The following INPP4B variants were observed in gnomAD, a reference collection of about 807,000 sequenced individuals.
INPP4B encodes inositol polyphosphate-4-phosphatase type II B, also known as inositol polyphosphate 4-phosphatase type II.
INPP4B carries 55 observed loss-of-function variants against 122.5 expected under a neutral mutation model. The ratio of observed to expected loss-of-function variants is 0.45; its 90% CI spans 0.36 to 0.56. INPP4B has a LOEUF of 0.56. Among genes scored for constraint, INPP4B ranks in the 20% least tolerant of loss-of-function variants. INPP4B has a pLI of 0.00. For synonymous variants in INPP4B, 403 were observed against 388.7 expected (o/e 1.04, Z -0.43); for missense variants, 1,000 against 1,097.7 (o/e 0.91, Z 1.26).
At chr4:142,186,739 A>G (rs2627800) in intron 15 of INPP4B, among the ~76,000 whole-genome samples, 151,329 of 152,308 alleles carry the variant, frequency 0.99, 75,185 homozygotes, top group East Asian at 1. Flanking sequence ...TGAAAATAAA[A>G]AAGGAGGAAA....
chr4:142,371,334 CA>C (rs1432617051), intron 7 of INPP4B, among the ~76,000 whole-genome samples: 2 of 151,998 alleles, frequency 1.3e-5, no homozygotes, highest in Admixed American at 6.6e-5. Flanking sequence ...GAAGAAAACA[CA>C]GGGGAAACAC....
At chr4:142,317,534 G>T in intron 7 of INPP4B, 1 of 235,394 alleles carries the variant, frequency 4.2e-6, no homozygotes, top group South Asian at 7.3e-5. Context: ...TCCCTCCACT[G>T]AAAGTTGGCT....
chr4:142,499,302 T>A (rs1823050859), intron 2 of INPP4B, among the ~76,000 whole-genome samples: 1 of 152,092 alleles, frequency 6.6e-6, no homozygotes, highest in Admixed American at 6.5e-5. Flanking sequence ...AAAAAAAATA[T>A]GTAATTAAGG....
At chr4:142,415,703 CG>C (rs1261049404) in intron 5 of INPP4B, among the ~76,000 whole-genome samples, 1 of 152,026 alleles carries the variant, frequency 6.6e-6, no homozygotes, top group Non-Finnish European at 1.5e-5. Flanking sequence ...CACGTGCACA[CG>C]TATGTTTATT....
intron 25 of INPP4B, chr4:142,029,509 C>A (rs1278656440): frequency 5.1e-6 from 5 of 985,462 alleles, no homozygotes; most frequent in African/African-American, 1.7e-5. Context: ...CATCAAGACA[C>A]AAACAAGACC....
At chr4:142,262,672 CTAGTAGAATGCTTAGAACT>C (rs1740667863) in intron 10 of INPP4B, among the ~76,000 whole-genome samples, 1 of 152,042 alleles carries the variant, frequency 6.6e-6, no homozygotes, top group Non-Finnish European at 1.5e-5. Flanking sequence ...TCCCCAGAAC[CTAGTAGAATGCTTAGAACT>C]TAGTAGGTGA....
At chr4:142,605,223 T>G (rs571446194) in intron 2 of INPP4B, among the ~76,000 whole-genome samples, 1 of 152,114 alleles carries the variant, frequency 6.6e-6, no homozygotes, top group South Asian at 2.1e-4. Flanking sequence ...AAACTGAAAC[T>G]AAATCACTAT....
intron 16 of INPP4B, among the ~76,000 whole-genome samples, chr4:142,173,394 C>A (rs1826479893): frequency 6.6e-6 from 1 of 150,896 alleles, no homozygotes; most frequent in Admixed American, 6.6e-5. Flanking sequence ...AAGATATATA[C>A]CAACCAATAA....
At chr4:142,431,550 A>G (rs1809294597) in intron 3 of INPP4B, among the ~76,000 whole-genome samples, 165 bp from the exon 4 acceptor site, 2 of 152,252 alleles carry the variant, frequency 1.3e-5, no homozygotes, top group South Asian at 4.1e-4. Context: ...CATAAAGTCT[A>G]GGTTTAATAG....
chr4:142,707,034 A>G (rs186522203), intron 2 of INPP4B, among the ~76,000 whole-genome samples: 115 of 152,344 alleles, frequency 7.5e-4, no homozygotes, highest in African/African-American at 2.6e-3. Flanking sequence ...AGAAGACAGA[A>G]TTGTAAGTTG....
intron 5 of INPP4B, among the ~76,000 whole-genome samples, chr4:142,413,253 C>A (rs1804980344): frequency 6.6e-6 from 1 of 151,910 alleles, no homozygotes; most frequent in African/African-American, 2.4e-5. Context: ...GTCTTTCTCT[C>A]CAAGAAAGAC....
rs1776645252 is a variant in INPP4B at position 142,086,170 on chromosome 4, C to T, written c.2461G>A (p.Val821Ile). 1 of 1,596,732 alleles carries T rather than the reference C, an allele frequency of 6.3e-7. No individual in the cohort carries two copies. The highest frequency in any genetic ancestry group is 8.6e-7 in the Non-Finnish European group (1 of 1,164,348). The change falls in exon 24 of 26, where the codon GTA becomes ATA. Residue 821 changes from valine (V) to isoleucine (I), a missense_variant. Transcript: ENST00000262992. ...GTTGCAGCCAGCCACATAATTTCTA[C>T]ATTCTTTCTTTTTTTGGATTGGATA... The part of the protein sequence containing the change: ...QNIQSKKRKN[V>I]EIMWLAATIC...
chr4:142,413,640 C>A (rs1175220094), intron 5 of INPP4B, among the ~76,000 whole-genome samples: 1 of 152,156 alleles, frequency 6.6e-6, no homozygotes, highest in East Asian at 1.9e-4. Context: ...TGGCCTTAGA[C>A]CCTTTCCTTG....
intron 2 of INPP4B, among the ~76,000 whole-genome samples, chr4:142,509,459 T>G (rs757324457): frequency 6.6e-6 from 1 of 152,052 alleles, no homozygotes; most frequent in Non-Finnish European, 1.5e-5. Context: ...CCCCCACATG[T>G]GAGTGAGAAC....
At chr4:142,209,088 C>A (rs1843760460) in intron 12 of INPP4B, 62 bp from the exon 13 acceptor site, 2 of 1,247,506 alleles carry the variant, frequency 1.6e-6, no homozygotes, top group Admixed American at 2.0e-5. Flanking sequence ...ACGCATAACC[C>A]TTAGTCAGAG....
At chr4:142,469,698 T>C (rs538015949) in intron 2 of INPP4B, among the ~76,000 whole-genome samples, 1 of 152,294 alleles carries the variant, frequency 6.6e-6, no homozygotes, top group South Asian at 2.1e-4. Context: ...ATGCATTTGC[T>C]CATTCAACAA....
chr4:142,784,408 T>TAAATAAATAAAA lies in INPP4B; in HGVS notation c.-253-58508_-253-58507insTTTTATTTATTT, dbSNP rs1554009430. Among the ~76,000 whole-genome samples the TAAATAAATAAAA allele has an allele frequency of 3.5e-3, 469 of 133,422 alleles. 2 individuals carry two copies. Among genetic ancestry groups the TAAATAAATAAAA allele is most frequent in the South Asian group, 5.5e-3 (23 of 4,208 alleles). The allele number at this position is 133,422 out of a possible 152,430, so 87.5% of individuals were successfully genotyped here. On this transcript the variant is annotated intron_variant, in intron 1 of 25. Transcript: ENST00000262992. ...ATAAATAAATAAATAAATAAATAAA[T>TAAATAAATAAAA]AAAAATTAAAATCAAGGACTTTTTT...
At chr4:142,417,363 G>A (rs1271351185) in intron 5 of INPP4B, among the ~76,000 whole-genome samples, 1 of 152,140 alleles carries the variant, frequency 6.6e-6, no homozygotes, top group Admixed American at 6.6e-5. Flanking sequence ...AAAGTTGAGG[G>A]CCATAGATTC....
At chr4:142,628,937 A>T (rs2150411509) in intron 2 of INPP4B, among the ~76,000 whole-genome samples, 1 of 152,202 alleles carries the variant, frequency 6.6e-6, no homozygotes, top group East Asian at 1.9e-4. Flanking sequence ...GTGCAGTCAA[A>T]ATATGTCCAT....
Sources: gnomAD v4.1 joint callset for allele counts (sites outside exome capture counted in the v4.1 genomes callset) on GRCh38, gnomAD v4.1.1 for gene constraint, MANE v1.5 for transcripts, NCBI Gene and HGNC (gene_info 2026-07-23, HGNC 2026-07-21) for gene names.